The following ZNF497 variants were observed in gnomAD, a reference collection of about 807,000 sequenced individuals.
ZNF497 encodes the protein zinc finger-like protein.
For missense variants in ZNF497, 930 were observed against 714.0 expected, an observed-to-expected ratio of 1.30 and a Z score of -3.45; for synonymous variants, 422 against 313.7, an observed-to-expected ratio of 1.35 and a Z score of -3.65.
At chr19:58,359,217 G>C in intron 1 of ZNF497, 1 of 1,290,756 alleles carries the variant, frequency 7.7e-7, no homozygotes, top group Non-Finnish European at 1.0e-6. Context: ...AGTGGACTCG[G>C]GAAGACCTGG....
intron 1 of ZNF497, chr19:58,358,897 A>G (rs1041631185): frequency 6.6e-6 from 3 of 454,934 alleles, no homozygotes; most frequent in African/African-American, 4.0e-5. Flanking sequence ...ACCAGCCCCC[A>G]CTCATCTGGA....
At chr19:58,362,404 G>C (rs1321898364) in intron 1 of ZNF497, among the ~76,000 whole-genome samples, 1 of 152,240 alleles carries the variant, frequency 6.6e-6, no homozygotes, top group African/African-American at 2.4e-5. Context: ...AAGAATAAAC[G>C]AGCAGGAGGA....
chr19:58,357,939 G>A, intron 2 of ZNF497: 1 of 1,334,090 alleles, frequency 7.5e-7, no homozygotes, highest in Non-Finnish European at 9.6e-7. Context: ...AGGACTCAAA[G>A]TTGCCCACGC....
chr19:58,357,571 A>C lies in ZNF497; in HGVS notation c.65T>G (p.Val22Gly). ...AGAGAGGCCCCTCGTGGCAGTCTTC[A>C]CATTGCAGAGGACCTGGCCTTCCTC... ...APEEGQVLCN[V>G]KTATRGLSEG... Residue 22 changes from valine to glycine, a missense_variant, in exon 3 of 3, where the codon GTG becomes GGG. Val to Gly is a moderately radical substitution (Grantham distance 109). Transcript: ENST00000311044. 4 of 1,596,260 alleles carry C rather than the reference A, an allele frequency of 2.5e-6. No homozygotes were observed. The highest frequency in any genetic ancestry group is 3.4e-6 in the Non-Finnish European group (4 of 1,172,236).
chr19:58,357,706 G>A, intron 2 of ZNF497, 57 bp from the exon 3 acceptor site: 1 of 1,447,602 alleles, frequency 6.9e-7, no homozygotes, highest in South Asian at 1.5e-5. Flanking sequence ...ACCAGACAGA[G>A]GGCCTGAGGG....
At chr19:58,358,335 C>T (rs377332162) in intron 2 of ZNF497, 154 bp downstream of exon 2, 7 of 1,254,598 alleles carry the variant, frequency 5.6e-6, no homozygotes, top group African/African-American at 4.6e-5. Flanking sequence ...GGTCCTAAGG[C>T]CATGCCTGCC....
intron 2 of ZNF497, 88 bp downstream of exon 2, chr19:58,358,401 A>C: frequency 2.6e-6 from 3 of 1,155,542 alleles, no homozygotes; most frequent in Non-Finnish European, 3.3e-6. Flanking sequence ...ACCCATCCTC[A>C]TTTGCCCTGA....
chr19:58,360,927 G>A lies in ZNF497; in HGVS notation c.-112+1750C>T, dbSNP rs1197446495. Among the ~76,000 whole-genome samples the A allele has an allele frequency of 4.6e-5, 7 of 151,690 alleles. No individual in the cohort carries two copies. In the East Asian group the frequency reaches 5.8e-4, roughly 13 times the overall value. On this transcript the variant is annotated intron_variant, in intron 1 of 2. Transcript: ENST00000311044. ...CTCCCAAGTAGCTGGGACTACAGGC[G>A]CCTGCCACCATGCCCGGCTAATTTT... is the stretch of plus-strand genomic sequence containing the variant.
At position 58,356,424 on chromosome 19, in the gene ZNF497, G is replaced by A. The variant is rs756552901; in HGVS notation, c.1212C>T (p.His404=). 1.3e-6 allele frequency: 2 copies of A among 1,563,598 alleles called. No homozygotes were observed. Among genetic ancestry groups the A allele is most frequent in the Non-Finnish European group, 1.7e-6 (2 of 1,159,686 alleles). The change falls in exon 3 of 3, where the codon CAC becomes CAT. Residue 404 remains histidine (H), a synonymous_variant. Coordinates refer to ENST00000311044, the MANE Select transcript of ZNF497 (RefSeq NM_198458.3). ...AFRGSSGLAH[H]RLSHTGERPF... The stretch of plus-strand genomic sequence containing the variant: ...GTCGCTCTCCCGTGTGCGAAAGCCG[G>A]TGGTGCGCCAGGCCGGAACTGCCGC...
Position 58,357,565 on chromosome 19 carries a change from G to GGGGCC in ZNF497, c.70_71insGGCCC (p.Thr24ArgfsTer166). ...CCCCTCAGAGAGGCCCCTCGTGGCA[G>GGGGCC]TCTTCACATTGCAGAGGACCTGGCC... On this transcript the variant is annotated frameshift_variant, in exon 3 of 3. Transcript: ENST00000311044. 1 of 1,599,514 alleles carries GGGGCC rather than the reference G, an allele frequency of 6.3e-7. No individual in the cohort carries two copies. Among genetic ancestry groups the GGGGCC allele is most frequent in the Non-Finnish European group, 8.5e-7 (1 of 1,173,634 alleles).
Position 58,357,181 on chromosome 19 carries a change from T to C in ZNF497, c.455A>G (p.His152Arg), listed in dbSNP as rs1316209548. The change falls in exon 3 of 3, where the codon CAC becomes CGC. Residue 152 changes from histidine to arginine, a missense_variant. His to Arg is a conservative substitution (Grantham distance 29). Coordinates refer to ENST00000311044, the MANE Select transcript of ZNF497 (RefSeq NM_198458.3). ...CTTCTCGCCGCTGTGGATGCGCTGG[T>C]GCTGGCTGAGGTTGGAGCTCCAGGC... ...AFAWSSNLSQHQRIHSGEKPY... is the reference protein window; with the variant it reads ...AFAWSSNLSQRQRIHSGEKPY... 5 of 1,613,134 alleles carry C rather than the reference T, an allele frequency of 3.1e-6. No homozygotes were observed. The highest frequency in any genetic ancestry group is 1.3e-5 in the African/African-American group (1 of 74,852).
intron 1 of ZNF497, among the ~76,000 whole-genome samples, chr19:58,362,247 G>A (rs1237317746): frequency 6.6e-6 from 1 of 152,258 alleles, no homozygotes; most frequent in African/African-American, 2.4e-5. Context: ...GCGGCCAGGT[G>A]GCGCGAGGCC....
chr19:58,360,607 C>T (rs558720203), intron 1 of ZNF497, among the ~76,000 whole-genome samples: 1 of 152,114 alleles, frequency 6.6e-6, no homozygotes, highest in South Asian at 2.1e-4. Flanking sequence ...CGGCTCACTG[C>T]AACCTCTGCC....
At position 58,357,156 on chromosome 19, in the gene ZNF497, C is replaced by T. The variant is rs747340487; in HGVS notation, c.480G>A (p.Lys160=). The T allele has an allele frequency of 6.2e-7, 1 of 1,612,748 alleles. No homozygotes were observed. The highest frequency in any genetic ancestry group is 2.2e-5 in the East Asian group (1 of 44,828). ...SQHQRIHSGE[K]PYACRECGKA... is the part of the protein sequence containing the mutation. ...TGCCGCACTCCCTGCAAGCGTAGGG[C>T]TTCTCGCCGCTGTGGATGCGCTGGT... Residue 160 remains lysine (K), a synonymous_variant, in exon 3 of 3, where the codon AAG becomes AAA. Transcript: ENST00000311044.
rs1568557201 is a variant in ZNF497, at chr19:58,356,232, CCT to C, written c.1402_1403del (p.Arg468AlafsTer139). The C allele has an allele frequency of 2.5e-6, 4 of 1,607,716 alleles. No individual in the cohort carries two copies. The highest frequency in any genetic ancestry group is 3.4e-6 in the Non-Finnish European group (4 of 1,177,578). On this transcript the variant is annotated frameshift_variant, in exon 3 of 3. Coordinates refer to ENST00000311044, the MANE Select transcript of ZNF497 (RefSeq NM_198458.3). ...TCCCGCACTCGCCGCAAGCGTAGGG[CCT>C]CTCGCCCGTGTGCGTGCGCCGGTGG... ...LSHRRTHTGERPYACGECGKP... is the reference protein window; with the variant it reads ...LSHRRTHTGEXPYACGECGKP...
In ZNF497 at chr19:58,356,494, G is replaced by T. The variant is rs779023167; in HGVS notation, c.1142C>A (p.Ser381Ter). The stretch of plus-strand genomic sequence containing the variant: ...GGCGCAGGCGAAGGGCTTGGCGCCC[G>T]AGTGCGTGCGCCGGTGGCTCAGTAG... ...SNLLSHRRTHSGAKPFACADC... is the reference protein window; with the variant it reads ...SNLLSHRRTH The change falls in exon 3 of 3, where the codon TCG becomes TAG. Residue 381 changes from serine to a stop codon, truncating the protein, a stop_gained. Transcript: ENST00000311044. LOFTEE classifies it low-confidence loss of function (END_TRUNC). 6.5e-7 allele frequency: 1 copy of T among 1,548,850 alleles called. No individual in the cohort carries two copies. Among genetic ancestry groups the T allele is most frequent in the Non-Finnish European group, 8.7e-7 (1 of 1,152,982 alleles).
At chr19:58,362,580 C>T (rs2052105998) in intron 1 of ZNF497, 97 bp downstream of exon 1, 1 of 135,650 alleles carries the variant, frequency 7.4e-6, no homozygotes, top group African/African-American at 2.8e-5. Flanking sequence ...GAGGGCCCAG[C>T]TCAGGGCCGA....
intron 1 of ZNF497, chr19:58,359,110 AGCCAGG>A: frequency 9.3e-7 from 1 of 1,080,674 alleles, no homozygotes; most frequent in Non-Finnish European, 1.3e-6. Context: ...CACGCAGCTG[AGCCAGG>A]GCCCCTCGGG....
At position 58,357,310 on chromosome 19, in the gene ZNF497, C is replaced by T. The variant is rs547659754; in HGVS notation, c.326G>A (p.Gly109Glu). Residue 109 changes from glycine (G) to glutamate (E), a missense_variant, in exon 3 of 3, where the codon GGG becomes GAG. By Grantham distance (98) the Gly-to-Glu change is moderately conservative. Transcript: ENST00000311044. ...CTGGCTGAACGCCTTGCCGCACTCC[C>T]CGCACCGGCAGCCCGGCTCCTCTGG... ...PLPEEPGCRCGECGKAFSQGS... is the reference protein window; with the variant it reads ...PLPEEPGCRCEECGKAFSQGS... 3 of 1,608,390 alleles carry T rather than the reference C, an allele frequency of 1.9e-6. No individual in the cohort carries two copies. The highest frequency in any genetic ancestry group is 2.2e-5 in the East Asian group (1 of 44,622).
Sources: gnomAD v4.1 joint callset for allele counts (sites outside exome capture counted in the v4.1 genomes callset) on GRCh38, gnomAD v4.1.1 for gene constraint, MANE v1.5 for transcripts, NCBI Gene and HGNC (gene_info 2026-07-23, HGNC 2026-07-21) for gene names.